Variants in NOX4 observed in about 807,000 individuals in gnomAD.
The protein encoded by NOX4 is NADPH oxidase 4, also known as kidney oxidase-1.
In NOX4, 69 loss-of-function variants were observed where a neutral mutation model predicts 87.6. That is an observed-to-expected ratio of 0.79 (90% confidence interval 0.65 to 0.96). NOX4 has a LOEUF of 0.96. NOX4 is among the 40% of genes least tolerant of loss of function. The pLI, the probability that NOX4 is intolerant of heterozygous loss-of-function variation, is 0.00. For missense variants in NOX4, 680 were observed against 681.5 expected, an observed-to-expected ratio of 1.00 and a Z score of 0.02; for synonymous variants, 275 against 238.2, an observed-to-expected ratio of 1.15 and a Z score of -1.42.
intron 12 of NOX4, among the ~76,000 whole-genome samples, chr11:89,355,335 T>A (rs1268605887): frequency 6.8e-6 from 1 of 148,026 alleles, no homozygotes; most frequent in Non-Finnish European, 1.5e-5. Flanking sequence ...ATATATATAT[T>A]TTAAATATAT....
the NOX4 span, among the ~76,000 whole-genome samples, chr11:89,507,234 T>C: frequency 6.6e-6 from 1 of 151,792 alleles, no homozygotes; most frequent in East Asian, 1.9e-4. Flanking sequence ...ATTATCTTGA[T>C]TGTGGTGATG....
chr11:89,431,968 T>C (rs1432681861), intron 7 of NOX4, among the ~76,000 whole-genome samples: 1 of 152,132 alleles, frequency 6.6e-6, no homozygotes. Flanking sequence ...CCATCAATGA[T>C]AGACTGGATT....
intron 6 of NOX4, among the ~76,000 whole-genome samples, chr11:89,434,829 T>C (rs1003767247): frequency 1.3e-5 from 2 of 151,950 alleles, no homozygotes; most frequent in Non-Finnish European, 2.9e-5. Flanking sequence ...AATCACAAAA[T>C]TGTTAGACTG....
chr11:89,564,690 A>G, the NOX4 span, among the ~76,000 whole-genome samples: 1 of 152,054 alleles, frequency 6.6e-6, no homozygotes, highest in African/African-American at 2.4e-5. Flanking sequence ...CTTCAGGGAA[A>G]TGGGAATTTT....
At chr11:89,449,211 T>C (rs1189073800) in intron 4 of NOX4, among the ~76,000 whole-genome samples, 2 of 152,158 alleles carry the variant, frequency 1.3e-5, no homozygotes, top group Non-Finnish European at 2.9e-5. Flanking sequence ...CCATGTGTAA[T>C]TTTACGTGTG....
chr11:89,541,932 A>G, the NOX4 span, among the ~76,000 whole-genome samples: 3 of 152,078 alleles, frequency 2.0e-5, no homozygotes, highest in African/African-American at 7.2e-5. Context: ...CAGCCTCCCA[A>G]GTAGCAGGGA....
At chr11:89,462,278 T>C (rs1479627122) in intron 2 of NOX4, among the ~76,000 whole-genome samples, 1 of 152,114 alleles carries the variant, frequency 6.6e-6, no homozygotes, top group Non-Finnish European at 1.5e-5. Context: ...TTTAATATTG[T>C]AAAGATGTCA....
chr11:89,563,554 G>A, the NOX4 span, among the ~76,000 whole-genome samples: 4 of 151,914 alleles, frequency 2.6e-5, no homozygotes, highest in African/African-American at 9.7e-5. Context: ...ACAAGAACTT[G>A]CAAAAAAATA....
At chr11:89,561,325 C>A in the NOX4 span, among the ~76,000 whole-genome samples, 4 of 151,616 alleles carry the variant, frequency 2.6e-5, no homozygotes, top group Non-Finnish European at 5.9e-5. Context: ...TGCAACCCAG[C>A]AGGTAAATTG....
chr11:89,529,778 C>T, the NOX4 span, among the ~76,000 whole-genome samples: 4 of 152,172 alleles, frequency 2.6e-5, no homozygotes, highest in Non-Finnish European at 4.4e-5. Context: ...CACTGGAAAG[C>T]TTTCACTGGT....
chr11:89,375,114 T>C lies in NOX4; in HGVS notation c.1075-1622A>G, dbSNP rs573774516. 3.9e-5 allele frequency among the ~76,000 whole-genome samples: 6 copies of C among 152,292 alleles called. No individual in the cohort carries two copies. In the East Asian group the frequency reaches 1.2e-3, roughly 29 times the overall value. On this transcript the variant is annotated intron_variant, in intron 11 of 17. Coordinates refer to ENST00000263317, the MANE Select transcript of NOX4 (RefSeq NM_016931.5). ...ATAATCTATGTCCAAGGTTTGGAAT[T>C]AATGTACCATGGAATGTCCAAGCTA...
At chr11:89,529,520 G>T in the NOX4 span, among the ~76,000 whole-genome samples, 16 of 152,208 alleles carry the variant, frequency 1.1e-4, no homozygotes, top group South Asian at 2.1e-4. Context: ...ATCCTAGACA[G>T]CCCTAAAGCC....
At chr11:89,572,254 T>A in the NOX4 span, among the ~76,000 whole-genome samples, 1 of 152,222 alleles carries the variant, frequency 6.6e-6, no homozygotes, top group Non-Finnish European at 1.5e-5. Flanking sequence ...CAAATACCTT[T>A]TGGTTTACAA....
chr11:89,587,957 C>T, the NOX4 span, among the ~76,000 whole-genome samples: 1 of 152,002 alleles, frequency 6.6e-6, no homozygotes, highest in South Asian at 2.1e-4. Flanking sequence ...GCAACACTTG[C>T]CCCCAGATTT....
Position 89,427,648 on chromosome 11 carries a change from G to T in NOX4, c.548+5136C>A, listed in dbSNP as rs537981596. On this transcript the variant is annotated intron_variant, in intron 7 of 17. Coordinates refer to ENST00000263317, the MANE Select transcript of NOX4 (RefSeq NM_016931.5). ...TGATTGAAGATCAAATGAATGAAAT[G>T]AAGTGAGAAGAGTTTAGAGAGAAAA... Among the ~76,000 whole-genome samples, 4 of 152,274 alleles carry T rather than the reference G, an allele frequency of 2.6e-5. No individual in the cohort carries two copies. In the East Asian group the frequency reaches 7.7e-4, roughly 29 times the overall value.
At chr11:89,487,510 T>G (rs557323825) in intron 2 of NOX4, among the ~76,000 whole-genome samples, 1 of 152,298 alleles carries the variant, frequency 6.6e-6, no homozygotes, top group African/African-American at 2.4e-5. Context: ...TCAAAGCTAT[T>G]ATCAAAATGT....
At chr11:89,522,998 T>G in the NOX4 span, among the ~76,000 whole-genome samples, 2 of 152,106 alleles carry the variant, frequency 1.3e-5, no homozygotes, top group Admixed American at 6.6e-5. Context: ...ACCCAATAAG[T>G]GGGAAAGTAC....
chr11:89,469,037 T>C (rs931733897), intron 2 of NOX4, among the ~76,000 whole-genome samples: 6 of 152,168 alleles, frequency 3.9e-5, no homozygotes, highest in African/African-American at 1.4e-4. Flanking sequence ...GCCTGAAAGC[T>C]TTACATTTAT....
At chr11:89,451,978 C>T in intron 2 of NOX4, 83 bp from the exon 3 acceptor site, 2 of 859,712 alleles carry the variant, frequency 2.3e-6, no homozygotes, top group South Asian at 1.4e-5. Context: ...AGGTCTCACC[C>T]TATTGCTCTT....
Sources: gnomAD v4.1 joint callset for allele counts (sites outside exome capture counted in the v4.1 genomes callset) on GRCh38, gnomAD v4.1.1 for gene constraint, MANE v1.5 for transcripts, NCBI Gene and HGNC (gene_info 2026-07-23, HGNC 2026-07-21) for gene names.